The following ENOSF1 variants were observed in gnomAD, a reference collection of about 807,000 sequenced individuals.
ENOSF1 encodes enolase superfamily member 1.
In ENOSF1, 73 loss-of-function variants were observed where a neutral mutation model predicts 68.2. That is an observed-to-expected ratio of 1.07 (90% CI 0.89 to 1.30). The LOEUF is 1.30. Among genes scored for constraint, ENOSF1 ranks in the 50% most tolerant of loss-of-function variants. The pLI is 0.00. For missense variants in ENOSF1, 589 were observed against 554.5 expected, an observed-to-expected ratio of 1.06 and a Z score of -0.62; for synonymous variants, 223 against 210.4, an observed-to-expected ratio of 1.06 and a Z score of -0.52.
At chr18:682,683 A>G (rs1409111248) in intron 11 of ENOSF1, among the ~76,000 whole-genome samples, 2 of 146,534 alleles carry the variant, frequency 1.4e-5, no homozygotes, top group Admixed American at 1.4e-4. Context: ...GGCCTGGCCA[A>G]TGTGGTGAAA....
At chr18:667,227 TGATGGA>T (rs1373943907), downstream of ENOSF1, among the ~76,000 whole-genome samples, 4 of 33,946 alleles carry the variant, frequency 1.2e-4, no homozygotes, top group Admixed American at 2.3e-4. Context: ...ATGGTGATGG[TGATGGA>T]GATGGAGATG....
Position 670,401 on chromosome 18 carries a change from C to T in ENOSF1, c.*3904G>A, listed in dbSNP as rs923759966. ...CCTGTGGCAAACAGAATTATTCCTG[C>T]TGTATTTGTAATCTGGTGCCACGAG... On this transcript the variant is annotated 3_prime_UTR_variant, in exon 16 of 16. Coordinates refer to ENST00000647584, the MANE Select transcript of ENOSF1 (RefSeq NM_017512.7). 6.4e-6 allele frequency: 2 copies of T among 314,466 alleles called. No individual in the cohort carries two copies. Among genetic ancestry groups the T allele is most frequent in the Non-Finnish European group, 1.2e-5 (2 of 169,748 alleles). 19.5% of individuals were successfully genotyped at this position (314,466 alleles called of 1,614,324 possible).
the ENOSF1 span, among the ~76,000 whole-genome samples, chr18:664,947 A>G: frequency 2.1e-5 from 3 of 145,478 alleles, no homozygotes; most frequent in African/African-American, 2.7e-5. Flanking sequence ...ATTTTGCATC[A>G]ATGTTCATCA....
chr18:703,818 T>C (rs2078633131), intron 2 of ENOSF1, among the ~76,000 whole-genome samples: 1 of 152,100 alleles, frequency 6.6e-6, no homozygotes, highest in South Asian at 2.1e-4. Flanking sequence ...TGGGAGGTGA[T>C]TATTAGATCT....
At chr18:679,731 C>T (rs2075887291) in intron 11 of ENOSF1, among the ~76,000 whole-genome samples, 1 of 152,126 alleles carries the variant, frequency 6.6e-6, no homozygotes, top group South Asian at 2.1e-4. Flanking sequence ...GGCCCCTGAA[C>T]ACTACCTCCG....
chr18:708,532 T>TA (rs990655555), intron 1 of ENOSF1, among the ~76,000 whole-genome samples: 13 of 150,908 alleles, frequency 8.6e-5, no homozygotes, highest in East Asian at 1.9e-4. Flanking sequence ...AAGACATGGT[T>TA]AAAAAAAAAC....
In ENOSF1 at chr18:706,815, A is replaced by ATATATATT. The variant is rs760562263; in HGVS notation, c.85-238_85-237insAATATATA. 4.9e-3 allele frequency: 644 copies of ATATATATT among 131,010 alleles called. 21 individuals are homozygous for ATATATATT. In the East Asian group the frequency reaches 0.097, roughly 20 times the overall value. 8.1% of individuals were successfully genotyped at this position (131,010 alleles called of 1,614,324 possible). A position where few individuals can be genotyped will look rare whatever the true frequency, so the allele number is the denominator to read the frequency against. On this transcript the variant is annotated intron_variant, in intron 1 of 15. Transcript: ENST00000647584. The stretch of plus-strand genomic sequence containing the variant: ...GAGCAATGTATGTATATATATATAT[A>ATATATATT]TTTTTTTTTTTTTTCTTTTTTGAGA...
chr18:667,729 G>T (rs945879886), downstream of ENOSF1: 1 of 152,186 alleles, frequency 6.6e-6, no homozygotes, highest in Non-Finnish European at 1.5e-5. Flanking sequence ...AAAAGCTGCT[G>T]CGTGGGCCAA....
Position 672,086 on chromosome 18 carries a change from T to A in ENOSF1, c.*2219A>T, listed in dbSNP as rs188895651. 6.6e-6 allele frequency: 1 copy of A among 152,370 alleles called. No individual in the cohort carries two copies. Among genetic ancestry groups the A allele is most frequent in the Non-Finnish European group, 1.5e-5 (1 of 68,062 alleles). 9.4% of individuals were successfully genotyped at this position (152,370 alleles called of 1,614,324 possible). On this transcript the variant is annotated 3_prime_UTR_variant, in exon 16 of 16. Transcript: ENST00000647584. ...TAAGCCACCACCCTGGCCATAAATA[T>A]TTTTTGTTAATTTTACATTAAGTAC...
downstream of ENOSF1, among the ~76,000 whole-genome samples, chr18:666,955 G>GGT (rs1486437088): frequency 4.8e-4 from 7 of 14,660 alleles, no homozygotes; most frequent in Admixed American, 2.4e-3. Flanking sequence ...TGATGGTGAT[G>GGT]GAGATGGAGA....
At chr18:700,053 C>T (rs891990886) in intron 2 of ENOSF1, among the ~76,000 whole-genome samples, 4 of 152,200 alleles carry the variant, frequency 2.6e-5, no homozygotes, top group Non-Finnish European at 5.9e-5. Flanking sequence ...GCACTCCAGC[C>T]TGGGCAACAA....
chr18:712,289 G>C, intron 1 of ENOSF1: 2 of 1,528,028 alleles, frequency 1.3e-6, no homozygotes, highest in South Asian at 2.4e-5. Flanking sequence ...TTCGAAGTCG[G>C]GAAGCTGCCC....
chr18:701,553 G>A (rs1190100297), intron 2 of ENOSF1, among the ~76,000 whole-genome samples: 1 of 151,908 alleles, frequency 6.6e-6, no homozygotes, highest in African/African-American at 2.4e-5. Flanking sequence ...TCAGGAGTTC[G>A]AGACCATCCT....
At chr18:701,842 C>T (rs1315489820) in intron 2 of ENOSF1, among the ~76,000 whole-genome samples, 2 of 151,716 alleles carry the variant, frequency 1.3e-5, no homozygotes, top group Non-Finnish European at 1.5e-5. Flanking sequence ...ATTGCTTGAA[C>T]CTAGGAGGCA....
At position 693,904 on chromosome 18, in the gene ENOSF1, A is replaced by G. The variant is rs750841790; in HGVS notation, c.401T>C (p.Val134Ala). ...DLWAKQEGKPVWKLLVDMDPR... is the reference protein window; with the variant it reads ...DLWAKQEGKPAWKLLVDMDPR... Reference sequence around the variant, plus strand: ...CACCATGTCCACAAGTAACTTCCAGACAGGCTTGAAGTAAAAAAGAAAGGA... The same window carrying G: ...CACCATGTCCACAAGTAACTTCCAGGCAGGCTTGAAGTAAAAAAGAAAGGA... The change falls in exon 5 of 16, where the codon GTC (valine) becomes GCC (alanine). Residue 134 changes from valine to alanine, a missense_variant. Transcript: ENST00000647584. 1.9e-6 allele frequency: 3 copies of G among 1,613,998 alleles called. No individual in the cohort carries two copies. In the African/African-American group the frequency reaches 4.0e-5, roughly 22 times the overall value.
At chr18:693,123 A>G in intron 5 of ENOSF1, 1 of 1,289,110 alleles carries the variant, frequency 7.8e-7, no homozygotes, top group Non-Finnish European at 1.0e-6. Flanking sequence ...TCTGAAGCTC[A>G]TTCCCCTTTA....
At chr18:699,613 A>T (rs565267563) in intron 2 of ENOSF1, among the ~76,000 whole-genome samples, 57 of 152,376 alleles carry the variant, frequency 3.7e-4, no homozygotes, top group African/African-American at 1.3e-3. Context: ...TGGACACAAT[A>T]ATTGAATCAA....
At chr18:711,021 G>T (rs999065919) in intron 1 of ENOSF1, among the ~76,000 whole-genome samples, 21 of 152,216 alleles carry the variant, frequency 1.4e-4, no homozygotes, top group African/African-American at 5.1e-4. Context: ...AATACAGAAA[G>T]TAGCTGGGCA....
chr18:706,648 G>A, intron 1 of ENOSF1, 70 bp from the exon 2 acceptor site: 1 of 1,155,432 alleles, frequency 8.7e-7, no homozygotes, highest in Non-Finnish European at 1.3e-6. Flanking sequence ...TGAGAATGAT[G>A]TCACATGAGG....
Sources: allele counts gnomAD v4.1 joint callset (sites outside exome capture counted in the v4.1 genomes callset), GRCh38; gene constraint gnomAD v4.1.1; transcripts MANE v1.5; gene names NCBI Gene and HGNC (gene_info 2026-07-23, HGNC 2026-07-21).